The following RP1 variants were observed in gnomAD, a reference collection of about 807,000 sequenced individuals.
The protein encoded by RP1 is RP1 axonemal microtubule associated.
In RP1, 16 loss-of-function variants were observed where a neutral mutation model predicts 14.8. The ratio of observed to expected loss-of-function variants is 1.08; its 90% CI spans 0.73 to 1.65. RP1 has a LOEUF of 1.65. Among genes scored for constraint, RP1 ranks in the 40% most tolerant of loss-of-function variants. RP1 has a pLI of 0.00. For synonymous variants in RP1, 876 were observed against 883.6 expected, an observed-to-expected ratio of 0.99 and a Z score of 0.15; for missense variants, 2,631 against 2,535.0, an observed-to-expected ratio of 1.04 and a Z score of -0.81.
At chr8:54,819,011 C>T (rs866981080) in intron 24 of RP1, among the ~76,000 whole-genome samples, 1 of 152,010 alleles carries the variant, frequency 6.6e-6, no homozygotes, top group Non-Finnish European at 1.5e-5. Flanking sequence ...AGGTGAAATG[C>T]ACTGGAGGGC....
chr8:54,745,678 C>CTT (rs748345015), intron 19 of RP1, among the ~76,000 whole-genome samples: 7 of 140,936 alleles, frequency 5.0e-5, no homozygotes, highest in African/African-American at 1.5e-4. Context: ...TTTCTTTTTC[C>CTT]TTTTTTTTTT....
intron 24 of RP1, among the ~76,000 whole-genome samples, chr8:54,833,396 C>A (rs1037580731): frequency 6.6e-6 from 1 of 151,926 alleles, no homozygotes; most frequent in Non-Finnish European, 1.5e-5. Context: ...GTTTGTTTTA[C>A]AGCGCCCTCA....
At chr8:54,659,613 C>T (rs369565) in intron 6 of RP1, among the ~76,000 whole-genome samples, 33,512 of 152,048 alleles carry the variant, frequency 0.22, 4,278 homozygotes, top group East Asian at 0.42. Flanking sequence ...TACCACACTG[C>T]CTTTATTACT....
At chr8:54,729,599 C>A (rs1456817125) in intron 17 of RP1, among the ~76,000 whole-genome samples, 1 of 151,970 alleles carries the variant, frequency 6.6e-6, no homozygotes, top group East Asian at 1.9e-4. Context: ...TACTACTCCC[C>A]CAAAGAGCAC....
intron 8 of RP1, chr8:54,673,999 T>C (rs1219677290): frequency 2.5e-6 from 3 of 1,190,272 alleles, no homozygotes; most frequent in Non-Finnish European, 3.5e-6. Flanking sequence ...TGTTCAAATC[T>C]AGAAAATACT....
At chr8:54,758,187 C>A (rs910070625) in intron 21 of RP1, among the ~76,000 whole-genome samples, 1 of 152,144 alleles carries the variant, frequency 6.6e-6, no homozygotes. Flanking sequence ...AATTCATGAT[C>A]CTTTCCTCAG....
At chr8:54,597,200 T>C (rs1262527551) in intron 1 of RP1, among the ~76,000 whole-genome samples, 2 of 152,206 alleles carry the variant, frequency 1.3e-5, no homozygotes, top group East Asian at 3.8e-4. Flanking sequence ...GAGCCTTCAT[T>C]ATTTACTAAT....
chr8:54,779,093 T>C (rs1186020021), intron 23 of RP1, among the ~76,000 whole-genome samples: 1 of 152,148 alleles, frequency 6.6e-6, no homozygotes, highest in African/African-American at 2.4e-5. Context: ...AACCCTCGAC[T>C]TCTCCGCCAA....
At chr8:54,838,838 G>A (rs765856119) in intron 25 of RP1, among the ~76,000 whole-genome samples, 1 of 152,188 alleles carries the variant, frequency 6.6e-6, no homozygotes, top group Non-Finnish European at 1.5e-5. Flanking sequence ...GCTTGGTGAT[G>A]TGATTGGCTG....
intron 27 of RP1, among the ~76,000 whole-genome samples, chr8:54,861,821 C>G (rs1003371907): frequency 3.9e-5 from 6 of 152,120 alleles, no homozygotes; most frequent in East Asian, 3.9e-4. Flanking sequence ...CCAGGCTGGT[C>G]TCAAACCTGA....
rs1029380275 is a variant in RP1, at chr8:54,628,360, T to C, written c.4478T>C (p.Leu1493Ser). ...GGAGGAGAGCAAGCCACTGAAGAAT[T>C]AATCCAAGAAGAGGTAGAGGCTAGT... ...VNGGEQATEELIQEEVEASKT... is the reference protein window; with the variant it reads ...VNGGEQATEESIQEEVEASKT... Residue 1493 changes from leucine to serine, a missense_variant, in exon 4 of 4, where the codon TTA becomes TCA. Physicochemically the swap from Leu to Ser is moderately radical, Grantham distance 145 (BLOSUM62 -2). Transcript: ENST00000220676. 1.9e-6 allele frequency: 3 copies of C among 1,613,612 alleles called. No homozygotes were observed. Among genetic ancestry groups the C allele is most frequent in the African/African-American group, 1.3e-5 (1 of 74,922 alleles).
At chr8:54,690,406 A>G (rs1807682914) in intron 12 of RP1, among the ~76,000 whole-genome samples, 1 of 152,020 alleles carries the variant, frequency 6.6e-6, no homozygotes, top group African/African-American at 2.4e-5. Flanking sequence ...TTCTTACCAC[A>G]TCTTAACTAT....
chr8:54,572,429 C>T (rs1804543310), intron 1 of RP1, among the ~76,000 whole-genome samples: 1 of 152,186 alleles, frequency 6.6e-6, no homozygotes, highest in African/African-American at 2.4e-5. Flanking sequence ...CAAGTTTGAG[C>T]ACATATTAGC....
In RP1 at chr8:54,605,018, T is replaced by C. The variant is rs1256891574; in HGVS notation, c.-12-15937T>C. 6.6e-5 allele frequency among the ~76,000 whole-genome samples: 10 copies of C among 151,958 alleles called. 1 individual carries two copies. Among genetic ancestry groups the C allele is most frequent in the Admixed American group, 6.6e-4 (10 of 15,260 alleles). ...CTGGATTCATTGATTTTTTGAAGGG[T>C]TTTTTGTGTCTCTATTTCCTTCAGT... On this transcript the variant is annotated intron_variant, in intron 1 of 22. Transcript: ENST00000636932.
At chr8:54,784,398 C>G (rs999976947) in intron 24 of RP1, among the ~76,000 whole-genome samples, 2 of 152,056 alleles carry the variant, frequency 1.3e-5, no homozygotes, top group Non-Finnish European at 1.5e-5. Context: ...ACATAGTCTT[C>G]TAACTTAAAA....
At chr8:54,561,948 G>A (rs1277393867) in intron 1 of RP1, 1 of 152,122 alleles carries the variant, frequency 6.6e-6, no homozygotes, top group Admixed American at 6.6e-5. Flanking sequence ...CCTTGAGAAG[G>A]TATTTCAAAT....
At chr8:54,718,587 C>T (rs150420999) in intron 15 of RP1, among the ~76,000 whole-genome samples, 13 of 152,170 alleles carry the variant, frequency 8.5e-5, no homozygotes, top group Admixed American at 7.2e-4. Flanking sequence ...TCATAATCAC[C>T]CCAAACTGGA....
intron 14 of RP1, among the ~76,000 whole-genome samples, chr8:54,704,138 A>G (rs1253118746): frequency 6.6e-6 from 1 of 152,168 alleles, no homozygotes; most frequent in African/African-American, 2.4e-5. Flanking sequence ...CAACATGGCT[A>G]CCTTACACAA....
intron 15 of RP1, among the ~76,000 whole-genome samples, chr8:54,712,353 T>C (rs1316563232): frequency 6.6e-6 from 1 of 152,176 alleles, no homozygotes; most frequent in Non-Finnish European, 1.5e-5. Context: ...TGCCATATTT[T>C]AGGGTAGTGT....
Sources: allele counts gnomAD v4.1 joint callset (sites outside exome capture counted in the v4.1 genomes callset), GRCh38; gene constraint gnomAD v4.1.1; transcripts MANE v1.5; gene names NCBI Gene and HGNC (gene_info 2026-07-23, HGNC 2026-07-21).